PIAS1: variants seen among roughly 807,000 people sequenced by gnomAD.
PIAS1 encodes protein inhibitor of activated STAT 1.
In PIAS1, 6 loss-of-function variants were observed where a neutral mutation model predicts 71.3. The ratio of observed to expected loss-of-function variants is 0.08; its 90% CI spans 0.05 to 0.17. The LOEUF is 0.17. Ranked by LOEUF, PIAS1 falls within the 10% of genes least tolerant of loss-of-function variation. The pLI, the probability that PIAS1 is intolerant of heterozygous loss-of-function variation, is 1.00. For synonymous variants in PIAS1, 303 were observed against 292.9 expected, an observed-to-expected ratio of 1.03 and a Z score of -0.35; for missense variants, 555 against 793.6, an observed-to-expected ratio of 0.70 and a Z score of 3.61.
At chr15:68,083,196 A>G (rs577498585) in intron 1 of PIAS1, among the ~76,000 whole-genome samples, 1 of 152,180 alleles carries the variant, frequency 6.6e-6, no homozygotes, top group Admixed American at 6.5e-5. Context: ...ATTAAAATAT[A>G]TTTCATTTCA....
At chr15:68,100,224 A>ATAGTGCAG (rs2092411587) in intron 2 of PIAS1, among the ~76,000 whole-genome samples, 1 of 152,212 alleles carries the variant, frequency 6.6e-6, no homozygotes, top group Non-Finnish European at 1.5e-5. Flanking sequence ...CTTTCTTAAT[A>ATAGTGCAG]TAGTGCAGTA....
chr15:68,103,073 G>C (rs1287731311), intron 2 of PIAS1, among the ~76,000 whole-genome samples: 3 of 151,816 alleles, frequency 2.0e-5, no homozygotes, highest in Non-Finnish European at 4.4e-5. Context: ...GACTATAGGT[G>C]CGCACCACCA....
Position 68,173,910 on chromosome 15 carries a change from T to C in PIAS1, c.1169+18T>C, listed in dbSNP as rs777758776. 2.4e-5 allele frequency: 34 copies of C among 1,439,364 alleles called. No individual in the cohort carries two copies. The African/African-American group carries it at 4.7e-4, about 20-fold the overall frequency. The allele number at this position is 1,439,364 out of a possible 1,614,324, so 89.2% of individuals were successfully genotyped here. A position where few individuals can be genotyped will look rare whatever the true frequency, so the allele number is the denominator to read the frequency against. ...ATTGATGGGTATGTTACTTTAAGTG[T>C]TTTTGGTACCTTGAAATGACCATAT... On this transcript the variant is annotated intron_variant, in intron 9 of 13. Transcript: ENST00000249636. The surrounding 1 kb of genome is among the most constrained non-coding windows in gnomAD (Gnocchi z 4.3).
intron 1 of PIAS1, among the ~76,000 whole-genome samples, chr15:68,069,743 G>A (rs2092072289): frequency 6.7e-6 from 1 of 149,256 alleles, no homozygotes; most frequent in South Asian, 2.1e-4. Context: ...GGCGGAGCTT[G>A]CAGTGAGCCG....
At chr15:68,138,192 C>T (rs1451668013) in intron 2 of PIAS1, among the ~76,000 whole-genome samples, 1 of 152,004 alleles carries the variant, frequency 6.6e-6, no homozygotes, top group Non-Finnish European at 1.5e-5. Flanking sequence ...AGCTTCTTTC[C>T]CACTTATGTT....
chr15:68,135,954 T>C (rs1595756233), intron 2 of PIAS1, among the ~76,000 whole-genome samples: 1 of 37,724 alleles, frequency 2.7e-5, no homozygotes, highest in Admixed American at 2.2e-4. Context: ...TCCCCACATC[T>C]CAGGCGATGG....
chr15:68,139,390 T>C lies in PIAS1; in HGVS notation c.470-2556T>C, dbSNP rs372712218. Among the ~76,000 whole-genome samples, 125 of 152,366 alleles carry C rather than the reference T, an allele frequency of 8.2e-4. 2 individuals are homozygous for C. The South Asian group carries it at 0.025, about 31-fold the overall frequency. ...AAAGGTTGAAAGGAAGGTTGAACTC[T>C]AGATCAATGATCTGCAAACTTATTT... On this transcript the variant is annotated intron_variant, in intron 2 of 13. Coordinates refer to ENST00000249636, the MANE Select transcript of PIAS1 (RefSeq NM_016166.3).
chr15:68,164,972 C>T (rs2092948044), intron 8 of PIAS1, among the ~76,000 whole-genome samples, 168 bp downstream of exon 8: 1 of 152,138 alleles, frequency 6.6e-6, no homozygotes, highest in African/African-American at 2.4e-5. Context: ...GGAATCTAAA[C>T]AAGTCTTTAA....
chr15:68,140,586 G>A (rs2092763341), intron 2 of PIAS1, among the ~76,000 whole-genome samples: 1 of 152,126 alleles, frequency 6.6e-6, no homozygotes, highest in South Asian at 2.1e-4. Context: ...AGCAAACCTA[G>A]CCTTTTAAAG....
intron 2 of PIAS1, among the ~76,000 whole-genome samples, chr15:68,107,931 A>G (rs966170421): frequency 1.3e-5 from 2 of 152,206 alleles, no homozygotes; most frequent in East Asian, 1.9e-4. Flanking sequence ...GCCAGAAACT[A>G]TTAACTAATC....
chr15:68,115,464 A>G (rs116069761), intron 2 of PIAS1, among the ~76,000 whole-genome samples: 1,656 of 152,142 alleles, frequency 0.011, 31 homozygotes, highest in African/African-American at 0.036. Flanking sequence ...TGTAGATTCT[A>G]TTGAATTTTC....
intron 1 of PIAS1, among the ~76,000 whole-genome samples, chr15:68,083,765 A>T (rs538680458): frequency 3.2e-4 from 41 of 126,434 alleles, no homozygotes; most frequent in Middle Eastern, 3.8e-3. Flanking sequence ...TGAATCCTGT[A>T]AAAAAAAAAA....
Position 68,123,894 on chromosome 15 carries a change from A to C in PIAS1, c.470-18052A>C, listed in dbSNP as rs142941436. On this transcript the variant is annotated intron_variant, in intron 2 of 13. Transcript: ENST00000249636. The stretch of plus-strand genomic sequence containing the variant: ...TTGATCTGTATTTGTACCATGTCCA[A>C]ACATAATTATAGGCGGAAAACACAG... 7.7e-3 allele frequency among the ~76,000 whole-genome samples: 1,167 copies of C among 152,320 alleles called. 7 individuals are homozygous for C. Among genetic ancestry groups the C allele is most frequent in the East Asian group, 0.035 (183 of 5,184 alleles).
intron 2 of PIAS1, among the ~76,000 whole-genome samples, chr15:68,132,993 T>C (rs1680687672): frequency 6.6e-6 from 1 of 151,812 alleles, no homozygotes; most frequent in African/African-American, 2.4e-5. Flanking sequence ...CTTTTTTTTT[T>C]TCCGAAAAAA....
Position 68,188,629 on chromosome 15 carries a change from T to C in PIAS1, c.*794T>C, listed in dbSNP as rs553058110. ...TTATTTGCTCTGTACCCCCTGAGAA[T>C]ATGTTTTAGAGATATTGGAATAAAG... On this transcript the variant is annotated 3_prime_UTR_variant, in exon 14 of 14. Coordinates refer to ENST00000249636, the MANE Select transcript of PIAS1 (RefSeq NM_016166.3). 1 of 152,358 alleles carries C rather than the reference T, an allele frequency of 6.6e-6. No individual in the cohort carries two copies. 9.4% of individuals were successfully genotyped at this position (152,358 alleles called of 1,614,324 possible). A position where few individuals can be genotyped will look rare whatever the true frequency, so the allele number is the denominator to read the frequency against.
chr15:68,077,694 A>G (rs1801320443), intron 1 of PIAS1, among the ~76,000 whole-genome samples: 1 of 152,222 alleles, frequency 6.6e-6, no homozygotes, highest in Admixed American at 6.5e-5. Flanking sequence ...TTATTTCCAA[A>G]AACATTTTCA....
At chr15:68,107,454 A>AGT (rs1321493270) in intron 2 of PIAS1, among the ~76,000 whole-genome samples, 4 of 152,208 alleles carry the variant, frequency 2.6e-5, no homozygotes, top group Non-Finnish European at 5.9e-5. Context: ...TATTTACTCA[A>AGT]ATGCCTGGAA....
intron 2 of PIAS1, among the ~76,000 whole-genome samples, chr15:68,113,103 T>C (rs1190861766): frequency 1.3e-5 from 2 of 152,222 alleles, no homozygotes; most frequent in East Asian, 3.8e-4. Context: ...ATTAAAGATA[T>C]GTTTATTAAC....
chr15:68,155,841 G>C (rs1595773654), intron 7 of PIAS1, among the ~76,000 whole-genome samples: 1 of 152,132 alleles, frequency 6.6e-6, no homozygotes, highest in East Asian at 1.9e-4. Flanking sequence ...CCCTTCAGCA[G>C]TTATTTCAAG....
Sources: gnomAD v4.1 joint callset for allele counts (sites outside exome capture counted in the v4.1 genomes callset) on GRCh38, gnomAD v4.1.1 for gene constraint, Gnocchi (gnomAD v3.1) non-coding constraint, MANE v1.5 for transcripts, NCBI Gene and HGNC (gene_info 2026-07-23, HGNC 2026-07-21) for gene names.